CEP112: variants seen among roughly 807,000 people sequenced by gnomAD.
CEP112 encodes the protein centrosomal protein of 112 kDa.
Under a neutral mutation model 153.0 loss-of-function variants are expected in CEP112, and 127 were observed. The ratio of observed to expected loss-of-function variants is 0.83; its 90% CI spans 0.72 to 0.96. The LOEUF is 0.96. CEP112 is among the 40% of genes least tolerant of loss of function. CEP112 has a pLI of 0.00. For missense variants in CEP112, 1,089 were observed against 1,101.2 expected (o/e 0.99, Z 0.16); for synonymous variants, 358 against 374.4 (o/e 0.96, Z 0.51).
chr17:65,735,273 A>G (rs1353791222), intron 23 of CEP112, among the ~76,000 whole-genome samples: 3 of 152,160 alleles, frequency 2.0e-5, no homozygotes, highest in Non-Finnish European at 2.9e-5. Context: ...CAAATACTCA[A>G]TTGTGAATAA....
At chr17:65,698,514 T>A (rs1308288397) in intron 23 of CEP112, among the ~76,000 whole-genome samples, 1 of 152,204 alleles carries the variant, frequency 6.6e-6, no homozygotes, top group Non-Finnish European at 1.5e-5. Context: ...AAAGAAATCA[T>A]GTTATTTCAA....
chr17:65,657,394 G>C (rs2046114594), intron 24 of CEP112, among the ~76,000 whole-genome samples: 1 of 152,198 alleles, frequency 6.6e-6, no homozygotes. Flanking sequence ...GAGCAGTACA[G>C]CAATTCTACA....
chr17:66,005,600 A>C, intron 17 of CEP112, 90 bp downstream of exon 17: 3 of 1,432,600 alleles, frequency 2.1e-6, no homozygotes, highest in Non-Finnish European at 2.8e-6. Flanking sequence ...AGCTCTTATA[A>C]AAATATAGTG....
At chr17:66,136,922 G>C (rs942875818) in intron 4 of CEP112, among the ~76,000 whole-genome samples, 1 of 152,148 alleles carries the variant, frequency 6.6e-6, no homozygotes, top group Non-Finnish European at 1.5e-5. Context: ...AATCCATAAA[G>C]ACTGGGAGAA....
chr17:65,948,407 G>A (rs1299726896), intron 18 of CEP112, among the ~76,000 whole-genome samples: 1 of 152,090 alleles, frequency 6.6e-6, no homozygotes, highest in African/African-American at 2.4e-5. Flanking sequence ...GAAGCCCCAG[G>A]AGGAACTAGT....
intron 24 of CEP112, among the ~76,000 whole-genome samples, chr17:65,667,016 A>C (rs2046728169): frequency 6.6e-6 from 1 of 152,172 alleles, no homozygotes; most frequent in African/African-American, 2.4e-5. Context: ...TATTTGAAAA[A>C]TAGTTTACAT....
At chr17:65,877,072 G>A (rs911316230) in intron 20 of CEP112, among the ~76,000 whole-genome samples, 2 of 152,134 alleles carry the variant, frequency 1.3e-5, no homozygotes, top group African/African-American at 4.8e-5. Context: ...GAGAAGCTCT[G>A]CACGTGTGTG....
intron 23 of CEP112, among the ~76,000 whole-genome samples, chr17:65,704,672 A>G (rs8182293): frequency 0.32 from 49,057 of 152,122 alleles, 8,277 homozygotes; most frequent in Middle Eastern, 0.48. Context: ...TTAGCTGATG[A>G]AAGAGATACT....
At chr17:65,818,794 A>G (rs1449303747) in intron 21 of CEP112, among the ~76,000 whole-genome samples, 1 of 151,966 alleles carries the variant, frequency 6.6e-6, no homozygotes, top group African/African-American at 2.4e-5. Context: ...TAATCACAAA[A>G]TGATTTCACA....
chr17:66,188,513 T>A (rs557921415), intron 1 of CEP112, among the ~76,000 whole-genome samples: 6 of 142,238 alleles, frequency 4.2e-5, no homozygotes, highest in Non-Finnish European at 9.0e-5. Context: ...TGGCCCCCCC[T>A]TGCCCTAGAC....
intron 12 of CEP112, among the ~76,000 whole-genome samples, chr17:66,045,067 C>CAA (rs770538797): frequency 7.5e-6 from 1 of 132,754 alleles, no homozygotes; most frequent in Non-Finnish European, 1.5e-5. Context: ...AAGCTAGAAA[C>CAA]AAAAAAAAAA....
chr17:66,034,700 G>A (rs2065635598), intron 12 of CEP112, among the ~76,000 whole-genome samples: 1 of 151,916 alleles, frequency 6.6e-6, no homozygotes, highest in African/African-American at 2.4e-5. Context: ...CAACAAATCA[G>A]AGAAGAAAAA....
intron 8 of CEP112, among the ~76,000 whole-genome samples, chr17:66,090,163 G>C (rs1023300166): frequency 2.0e-5 from 3 of 152,020 alleles, no homozygotes; most frequent in Non-Finnish European, 2.9e-5. Flanking sequence ...CACTAGACTT[G>C]TCTTACAAAA....
At chr17:66,028,145 A>C (rs2065301464) in intron 15 of CEP112, among the ~76,000 whole-genome samples, 168 bp downstream of exon 15, 1 of 151,954 alleles carries the variant, frequency 6.6e-6, no homozygotes, top group Non-Finnish European at 1.5e-5. Context: ...CAAAGCATCA[A>C]TCTCTATTAA....
chr17:66,063,837 T>C (rs1000030396), intron 10 of CEP112, among the ~76,000 whole-genome samples: 3 of 152,138 alleles, frequency 2.0e-5, no homozygotes, highest in African/African-American at 7.2e-5. Flanking sequence ...ACCACTATTA[T>C]AAACACACCA....
rs943556235 is a variant in CEP112 at position 66,130,593 on chromosome 17, C to G, written c.565-770G>C. On this transcript the variant is annotated intron_variant, in intron 5 of 26. Transcript: ENST00000535342. ...GATCAAGACCATCCTGGCTAACAGG[C>G]TGAAACCCTGTCTCTACTAAAAATA... 7.9e-4 allele frequency among the ~76,000 whole-genome samples: 120 copies of G among 151,744 alleles called. 1 individual carries two copies. The highest frequency in any genetic ancestry group is 2.1e-4 in the South Asian group (1 of 4,798).
chr17:66,038,354 A>AT (rs1481091225), intron 12 of CEP112, among the ~76,000 whole-genome samples: 2 of 152,070 alleles, frequency 1.3e-5, no homozygotes, highest in Non-Finnish European at 2.9e-5. Flanking sequence ...TATTCATTTT[A>AT]TTTTTGATTT....
Position 66,161,752 on chromosome 17 carries a change from A to G in CEP112, c.470+13292T>C, listed in dbSNP as rs1598468809. On this transcript the variant is annotated intron_variant, in intron 4 of 26. Coordinates refer to ENST00000535342, the MANE Select transcript of CEP112 (RefSeq NM_001199165.4). ...ATGTAGATTATGGGTTGATGGGTGC[A>G]GCAAACCACCGTGGCATGTGTATAC... is the stretch of plus-strand genomic sequence containing the variant. Among the ~76,000 whole-genome samples, 3 of 152,270 alleles carry G rather than the reference A, an allele frequency of 2.0e-5. No homozygotes were observed. In the South Asian group the frequency reaches 6.2e-4, roughly 32 times the overall value.
At chr17:66,113,431 A>G (rs1324349279) in intron 6 of CEP112, among the ~76,000 whole-genome samples, 3 of 152,220 alleles carry the variant, frequency 2.0e-5, no homozygotes, top group South Asian at 2.1e-4. Context: ...AGGAATTTCC[A>G]AAGATGCTCA....
Sources: allele counts gnomAD v4.1 joint callset (sites outside exome capture counted in the v4.1 genomes callset), GRCh38; gene constraint gnomAD v4.1.1; transcripts MANE v1.5; gene names NCBI Gene and HGNC (gene_info 2026-07-23, HGNC 2026-07-21).